Variants in UBE2F observed in about 807,000 individuals in gnomAD.
The protein encoded by UBE2F is NEDD8-conjugating enzyme UBE2F.
UBE2F carries 5 observed loss-of-function variants against 29.6 expected under a neutral mutation model. The ratio of observed to expected loss-of-function variants is 0.17; its 90% confidence interval spans 0.09 to 0.36. The LOEUF (loss-of-function observed/expected upper bound fraction) is 0.36, where lower values mean the gene tolerates loss of function less well. Among genes scored for constraint, UBE2F ranks in the 10% least tolerant of loss-of-function variants. The pLI, the probability that UBE2F is intolerant of heterozygous loss-of-function variation, is 1.00. For missense variants in UBE2F, 141 were observed against 228.5 expected, an observed-to-expected ratio of 0.62 and a Z score of 2.47; for synonymous variants, 66 against 81.8, an observed-to-expected ratio of 0.81 and a Z score of 1.04.
chr2:237,987,379 G>T (rs1319445731), intron 2 of UBE2F, among the ~76,000 whole-genome samples: 1 of 152,070 alleles, frequency 6.6e-6, no homozygotes, highest in East Asian at 1.9e-4. Flanking sequence ...TTGTCTGATT[G>T]CTCTGGTTTA....
chr2:238,021,738 C>T (rs1007280859), intron 5 of UBE2F, among the ~76,000 whole-genome samples: 1 of 152,162 alleles, frequency 6.6e-6, no homozygotes, highest in Non-Finnish European at 1.5e-5. Flanking sequence ...TAGTCTCTGT[C>T]CCATATTCTT....
intron 4 of UBE2F, chr2:238,003,391 T>C (rs2063838219): frequency 2.1e-6 from 1 of 470,904 alleles, no homozygotes; most frequent in African/African-American, 2.0e-5. Flanking sequence ...TGATGCTTCT[T>C]TGCTTACTGT....
chr2:237,973,471 C>T (rs529359597), intron 2 of UBE2F, among the ~76,000 whole-genome samples: 3 of 152,304 alleles, frequency 2.0e-5, no homozygotes, highest in Non-Finnish European at 2.9e-5. Context: ...TTCTTTGTCA[C>T]GTCTGCCAAA....
chr2:237,983,380 TTTC>T (rs1283904803), intron 2 of UBE2F, among the ~76,000 whole-genome samples: 1 of 152,230 alleles, frequency 6.6e-6, no homozygotes, highest in East Asian at 1.9e-4. Flanking sequence ...GGCTTCTCCC[TTTC>T]TCTAGCTCCT....
At chr2:237,983,144 T>G (rs183760199) in intron 2 of UBE2F, among the ~76,000 whole-genome samples, 1 of 152,298 alleles carries the variant, frequency 6.6e-6, no homozygotes, top group East Asian at 1.9e-4. Flanking sequence ...CAAGGGAATA[T>G]TTTTTAATGT....
chr2:237,994,109 C>T (rs867236148), intron 3 of UBE2F, among the ~76,000 whole-genome samples: 25 of 122,362 alleles, frequency 2.0e-4, no homozygotes, highest in African/African-American at 6.6e-4. Context: ...TCTTCTTCTT[C>T]TTTTTTTTTT....
chr2:238,009,295 C>T (rs1249196443), intron 4 of UBE2F, among the ~76,000 whole-genome samples: 4 of 152,138 alleles, frequency 2.6e-5, no homozygotes, highest in African/African-American at 9.7e-5. Context: ...ATTTGGCCAA[C>T]ATTTCTTTAA....
chr2:238,034,489 T>G (rs768400460), intron 8 of UBE2F, among the ~76,000 whole-genome samples: 1 of 152,188 alleles, frequency 6.6e-6, no homozygotes, highest in Non-Finnish European at 1.5e-5. Flanking sequence ...CATCTCTCAG[T>G]GCTCTAAGTA....
intron 4 of UBE2F, among the ~76,000 whole-genome samples, chr2:238,010,497 A>G (rs6736219): frequency 0.044 from 6,775 of 152,254 alleles, 522 homozygotes; most frequent in African/African-American, 0.15. Context: ...AAAAGTTCCT[A>G]TAACTGTAAG....
At chr2:238,000,062 T>C (rs56911585) in intron 4 of UBE2F, among the ~76,000 whole-genome samples, 3,766 of 152,236 alleles carry the variant, frequency 0.025, 157 homozygotes, top group African/African-American at 0.086. Flanking sequence ...GACCTCGTGA[T>C]CCACCCACCT....
At chr2:238,037,525 GA>G (rs2064741195) in intron 9 of UBE2F, among the ~76,000 whole-genome samples, 1 of 152,272 alleles carries the variant, frequency 6.6e-6, no homozygotes, top group Non-Finnish European at 1.5e-5. Flanking sequence ...TTTGGTGGTA[GA>G]ACCTCGCACT....
chr2:238,041,481 G>A lies in UBE2F; in HGVS notation c.*143G>A, dbSNP rs2064837011. The A allele has an allele frequency of 1.4e-6, 1 of 710,102 alleles. No individual in the cohort carries two copies. Among genetic ancestry groups the A allele is most frequent in the Admixed American group, 2.4e-5 (1 of 41,674 alleles). 44.0% of individuals were successfully genotyped at this position (710,102 alleles called of 1,614,324 possible). On this transcript the variant is annotated 3_prime_UTR_variant, in exon 10 of 10. Transcript: ENST00000272930. Reference sequence around the variant, plus strand: ...AGTCCTGTGACCATGTTGCCCTGAAGAAGACCATCTTCATGACTGCTCATT... The same window carrying A: ...AGTCCTGTGACCATGTTGCCCTGAAAAAGACCATCTTCATGACTGCTCATT...
chr2:238,017,897 GCCACTGGGCTCCGTTCAGT>G (rs1032738543), intron 5 of UBE2F, among the ~76,000 whole-genome samples: 2 of 152,156 alleles, frequency 1.3e-5, no homozygotes, highest in African/African-American at 4.8e-5. Flanking sequence ...CCCAACCCCA[GCCACTGGGCTCCGTTCAGT>G]GGCTGCAACA....
chr2:237,996,768 G>A (rs1022020229), intron 4 of UBE2F, among the ~76,000 whole-genome samples: 4 of 151,992 alleles, frequency 2.6e-5, no homozygotes, highest in Non-Finnish European at 5.9e-5. Context: ...GAGCCACTGC[G>A]CCCAGCCCCC....
chr2:238,041,343 A>T lies in UBE2F; in HGVS notation c.*5A>T. 7 of 1,613,826 alleles carry T rather than the reference A, an allele frequency of 4.3e-6. No homozygotes were observed. Among genetic ancestry groups the T allele is most frequent in the Non-Finnish European group, 5.9e-6 (7 of 1,179,794 alleles). On this transcript the variant is annotated 3_prime_UTR_variant, in exon 10 of 10. Coordinates refer to ENST00000272930, the MANE Select transcript of UBE2F (RefSeq NM_080678.3). ...ATCAAACGTTATGCCAGATGATAAA[A>T]GGGGACGATTGCAGGCCCATGGACT...
chr2:237,999,820 C>CTTTTTTTTTTTT (rs3054481), intron 4 of UBE2F, among the ~76,000 whole-genome samples: 2 of 119,888 alleles, frequency 1.7e-5, no homozygotes, highest in African/African-American at 6.3e-5. Context: ...TGATGTTGTT[C>CTTTTTTTTTTTT]TTTTTTTTTT....
rs962328338 is a variant in UBE2F, at chr2:238,012,948, A to G, written c.215-3618A>G. On this transcript the variant is annotated intron_variant, in intron 4 of 9. Coordinates refer to ENST00000272930, the MANE Select transcript of UBE2F (RefSeq NM_080678.3). ...AAGACACTCCAGCGTGAACCAGGAC[A>G]TACTATTTATAATACCATGCTTTGT... 5.9e-5 allele frequency among the ~76,000 whole-genome samples: 9 copies of G among 152,212 alleles called. No homozygotes were observed. The East Asian group carries it at 1.5e-3, about 26-fold the overall frequency.
intron 6 of UBE2F, 111 bp downstream of exon 6, chr2:238,025,523 G>A: frequency 9.9e-7 from 1 of 1,005,894 alleles, no homozygotes; most frequent in South Asian, 1.4e-5. Context: ...GCCAAGATTA[G>A]GAAGGGCTTG....
intron 2 of UBE2F, among the ~76,000 whole-genome samples, chr2:237,985,914 T>C (rs542940488): frequency 6.6e-6 from 1 of 152,332 alleles, no homozygotes; most frequent in South Asian, 2.1e-4. Context: ...TCTCATGATT[T>C]TGATTTGTAT....
Sources: allele counts gnomAD v4.1 joint callset (sites outside exome capture counted in the v4.1 genomes callset), GRCh38; gene constraint gnomAD v4.1.1; transcripts MANE v1.5; gene names NCBI Gene and HGNC (gene_info 2026-07-23, HGNC 2026-07-21).